KALRN: variants seen among roughly 807,000 people sequenced by gnomAD.
KALRN encodes the protein kalirin.
In KALRN, 70 loss-of-function variants were observed where a neutral mutation model predicts 353.7. The observed-to-expected ratio is 0.20, with a 90% CI of 0.16 to 0.24. The LOEUF (loss-of-function observed/expected upper bound fraction) is 0.24, where lower values mean the gene tolerates loss of function less well. KALRN is among the 10% of genes least tolerant of loss of function. KALRN has a pLI of 1.00. For missense variants in KALRN, 2,791 were observed against 3,756.7 expected, an observed-to-expected ratio of 0.74 and a Z score of 6.72; for synonymous variants, 1,391 against 1,434.8, an observed-to-expected ratio of 0.97 and a Z score of 0.69.
chr3:124,432,405 C>A (rs1297171824), intron 16 of KALRN, among the ~76,000 whole-genome samples: 6 of 152,084 alleles, frequency 3.9e-5, no homozygotes, highest in African/African-American at 9.7e-5. Flanking sequence ...TAGAGTGAGA[C>A]CCTGTCTCAA....
intron 1 of KALRN, among the ~76,000 whole-genome samples, chr3:124,170,028 C>T (rs2071509397): frequency 6.6e-6 from 1 of 152,110 alleles, no homozygotes. Flanking sequence ...CAACCAAGAG[C>T]ATTTCAGAGT....
chr3:124,673,676 A>C (rs1578870638), intron 48 of KALRN, among the ~76,000 whole-genome samples: 1 of 151,822 alleles, frequency 6.6e-6, no homozygotes, highest in Non-Finnish European at 1.5e-5. Context: ...ACCATGCTCT[A>C]TGAGGCAGCC....
At chr3:124,192,191 C>T (rs1331479756) in intron 1 of KALRN, among the ~76,000 whole-genome samples, 1 of 152,176 alleles carries the variant, frequency 6.6e-6, no homozygotes, top group Non-Finnish European at 1.5e-5. Flanking sequence ...GAGCCCTAAT[C>T]TGATATGATT....
intron 1 of KALRN, among the ~76,000 whole-genome samples, chr3:124,212,186 A>G (rs2076957231): frequency 6.6e-6 from 1 of 152,026 alleles, no homozygotes. Flanking sequence ...ATTTTAATAC[A>G]TATTTGTTGT....
At chr3:124,607,883 G>C (rs974775201) in intron 34 of KALRN, among the ~76,000 whole-genome samples, 10 of 152,182 alleles carry the variant, frequency 6.6e-5, no homozygotes, top group Non-Finnish European at 1.5e-5. Flanking sequence ...GGGATTACTG[G>C]TGTGAGCCAC....
At chr3:124,070,711 G>A (rs924837978) in intron 1 of KALRN, among the ~76,000 whole-genome samples, 7 of 152,178 alleles carry the variant, frequency 4.6e-5, no homozygotes, top group Non-Finnish European at 8.8e-5. Flanking sequence ...ATAAAATAGC[G>A]GCTATGTAAA....
chr3:124,082,504 A>G lies in KALRN; in HGVS notation c.73+48691A>G, dbSNP rs1397931647. Reference sequence around the variant, plus strand: ...TTCAGAAAATTAGAAGAAACAACAAATACTCCTCTAACAAACCTAAAAAAC... The same window carrying G: ...TTCAGAAAATTAGAAGAAACAACAAGTACTCCTCTAACAAACCTAAAAAAC... On this transcript the variant is annotated intron_variant, in intron 1 of 59. Transcript: ENST00000682506. Among the ~76,000 whole-genome samples the G allele has an allele frequency of 2.6e-5, 4 of 152,150 alleles. No individual in the cohort carries two copies. In the South Asian group the frequency reaches 6.2e-4, roughly 24 times the overall value.
intron 33 of KALRN, among the ~76,000 whole-genome samples, chr3:124,541,663 A>G (rs1337756590): frequency 1.3e-5 from 2 of 151,438 alleles, no homozygotes; most frequent in Admixed American, 1.3e-4. Context: ...ACTTCTGATC[A>G]CTTGAGGTCA....
chr3:124,713,240 T>C, intron 58 of KALRN, 105 bp downstream of exon 58: 3 of 914,980 alleles, frequency 3.3e-6, no homozygotes, highest in African/African-American at 1.7e-5. Flanking sequence ...GGTCCTATCA[T>C]TTGCAAAGTG....
At position 124,554,241 on chromosome 3, in the gene KALRN, A is replaced by G. The variant is rs570827729; in HGVS notation, c.4936-8602A>G. Among the ~76,000 whole-genome samples the G allele has an allele frequency of 3.3e-5, 5 of 152,326 alleles. No individual in the cohort carries two copies. In the East Asian group the frequency reaches 9.6e-4, roughly 29 times the overall value. Reference sequence around the variant, plus strand: ...TTTGGTGGCATGCGCCTGTAATTCCAGCTACTTGGGAGGCAGAGGCAGGAG... The same window carrying G: ...TTTGGTGGCATGCGCCTGTAATTCCGGCTACTTGGGAGGCAGAGGCAGGAG... On this transcript the variant is annotated intron_variant, in intron 33 of 59. Coordinates refer to ENST00000682506, the MANE Select transcript of KALRN (RefSeq NM_001388419.1).
chr3:124,334,458 G>A lies in KALRN; in HGVS notation c.1610G>A (p.Arg537Gln), dbSNP rs765678789. 12 of 1,613,930 alleles carry A rather than the reference G, an allele frequency of 7.4e-6. No individual in the cohort carries two copies. The highest frequency in any genetic ancestry group is 1.7e-4 in the Middle Eastern group (1 of 6,042). The change falls in exon 9 of 60, where the codon CGG becomes CAG. Residue 537 changes from arginine (R) to glutamine (Q), a missense_variant. Around this residue, in one of 11 missense-constraint regions of KALRN, gnomAD observed 366 missense variants for 489.2 expected, o/e 0.75. Transcript: ENST00000682506. The surrounding 1 kb of genome is among the most constrained non-coding windows in gnomAD (Gnocchi z 4.2). ...CACCGCAAGGTGCGGCTCCACCAGCGGCTGCAGCTCTGCGTCTTCCAGCAG... is the reference window on the plus strand; with the variant it reads ...CACCGCAAGGTGCGGCTCCACCAGCAGCTGCAGCTCTGCGTCTTCCAGCAG... ...WQHRKVRLHQ[R>Q]LQLCVFQQDV...
chr3:124,232,916 G>A lies in KALRN; in HGVS notation c.149-1913G>A, dbSNP rs187987184. On this transcript the variant is annotated intron_variant, in intron 2 of 59. Transcript: ENST00000682506. ...AAGCAGAAACTTGATTCTGTTTCCT[G>A]AGCATAGTGTCCATTAGTGAATGCA... is the stretch of plus-strand genomic sequence containing the variant. Among the ~76,000 whole-genome samples the A allele has an allele frequency of 3.9e-5, 6 of 152,158 alleles. No homozygotes were observed. The East Asian group carries it at 1.2e-3, about 29-fold the overall frequency.
chr3:124,565,090 T>C (rs2072641030), intron 34 of KALRN, among the ~76,000 whole-genome samples: 1 of 152,224 alleles, frequency 6.6e-6, no homozygotes. Context: ...GAGTGCCATC[T>C]GGTCTACCTC....
chr3:124,146,658 A>T (rs1361597318), intron 1 of KALRN, among the ~76,000 whole-genome samples: 1 of 152,070 alleles, frequency 6.6e-6, no homozygotes, highest in Non-Finnish European at 1.5e-5. Flanking sequence ...CAGGCAGATC[A>T]CTTGAGGCCA....
chr3:124,395,078 C>T lies in KALRN; in HGVS notation c.1963-57C>T. The T allele has an allele frequency of 4.2e-6, 6 of 1,437,284 alleles. 1 individual carries two copies. Among genetic ancestry groups the T allele is most frequent in the Admixed American group, 3.5e-5 (2 of 57,846 alleles). The allele number at this position is 1,437,284 out of a possible 1,614,324, so 89.0% of individuals were successfully genotyped here. A position where few individuals can be genotyped will look rare whatever the true frequency, so the allele number is the denominator to read the frequency against. On this transcript the variant is annotated intron_variant, in intron 11 of 59. Coordinates refer to ENST00000682506, the MANE Select transcript of KALRN (RefSeq NM_001388419.1). ...TTCCAGTCTAGCTTCCTTGCCCTCA[C>T]CCCAGCCCTGGCCTCTCCCATCTTC...
rs4677934 is a variant in KALRN, at chr3:124,570,263, C to T, written c.5182+7174C>T. ...TTCCCTAAACATTTCCTTTCAGGTA[C>T]GAAGTGACATGTTATAAATTGCAGC... On this transcript the variant is annotated intron_variant, in intron 34 of 59. Coordinates refer to ENST00000682506, the MANE Select transcript of KALRN (RefSeq NM_001388419.1). Among the ~76,000 whole-genome samples, 13 of 152,258 alleles carry T rather than the reference C, an allele frequency of 8.5e-5. No homozygotes were observed. The South Asian group carries it at 1.7e-3, about 19-fold the overall frequency.
chr3:124,159,855 G>A (rs982815553), intron 1 of KALRN, among the ~76,000 whole-genome samples: 19 of 151,992 alleles, frequency 1.3e-4, no homozygotes, highest in African/African-American at 4.6e-4. Flanking sequence ...GTAAAGTGAG[G>A]ACTAGAGGTA....
chr3:124,231,275 C>T lies in KALRN; in HGVS notation c.148+3211C>T, dbSNP rs942995086. 2.0e-5 allele frequency among the ~76,000 whole-genome samples: 3 copies of T among 152,378 alleles called. No homozygotes were observed. In the East Asian group the frequency reaches 5.8e-4, roughly 29 times the overall value. Reference sequence around the variant, plus strand: ...TCTGTCATTCACAGCTCACGAGCTCCCCTTGGCCTCTCTGATGTCCTTTGT... The same window carrying T: ...TCTGTCATTCACAGCTCACGAGCTCTCCTTGGCCTCTCTGATGTCCTTTGT... On this transcript the variant is annotated intron_variant, in intron 2 of 59. Coordinates refer to ENST00000682506, the MANE Select transcript of KALRN (RefSeq NM_001388419.1).
chr3:124,141,822 C>T (rs2066658391), intron 1 of KALRN, among the ~76,000 whole-genome samples: 1 of 152,114 alleles, frequency 6.6e-6, no homozygotes. Context: ...GTTGCCTCAA[C>T]CAGTGTTCCT....
Sources: gnomAD v4.1 joint callset for allele counts (sites outside exome capture counted in the v4.1 genomes callset) on GRCh38, gnomAD v4.1.1 for gene constraint, gnomAD v4.1.1 regional missense constraint, Gnocchi (gnomAD v3.1) non-coding constraint, MANE v1.5 for transcripts, NCBI Gene and HGNC (gene_info 2026-07-23, HGNC 2026-07-21) for gene names.